Variants in MYT1L observed in about 807,000 individuals in gnomAD.
MYT1L encodes the protein myelin transcription factor 1 like.
Under a neutral mutation model 126.7 loss-of-function variants are expected in MYT1L, and 12 were observed. The observed-to-expected ratio is 0.09, with a 90% CI of 0.06 to 0.15. MYT1L has a LOEUF of 0.15. Among genes scored for constraint, MYT1L ranks in the 10% least tolerant of loss-of-function variants. The pLI is 1.00. For missense variants in MYT1L, 979 were observed against 1,585.2 expected, an observed-to-expected ratio of 0.62 and a Z score of 6.49; for synonymous variants, 541 against 604.2, an observed-to-expected ratio of 0.90 and a Z score of 1.53.
chr2:2,012,016 G>A (rs929209884), intron 4 of MYT1L, among the ~76,000 whole-genome samples: 6 of 152,214 alleles, frequency 3.9e-5, no homozygotes, highest in Non-Finnish European at 7.3e-5. Flanking sequence ...TTAGAAAACA[G>A]TGAGGCAGCT....
At chr2:2,272,682 T>A (rs2095286412) in intron 2 of MYT1L, among the ~76,000 whole-genome samples, 1 of 152,198 alleles carries the variant, frequency 6.6e-6, no homozygotes, top group Non-Finnish European at 1.5e-5. Context: ...CTCCATTAGA[T>A]GAAAAGCAGG....
At chr2:1,876,274 T>A (rs1436589578) in intron 18 of MYT1L, among the ~76,000 whole-genome samples, 1 of 152,178 alleles carries the variant, frequency 6.6e-6, no homozygotes, top group East Asian at 1.9e-4. Context: ...GGCGTGGGCC[T>A]GAGCCCCAGA....
rs1432473469 is a variant in MYT1L at position 1,791,444 on chromosome 2, A to G, written c.*423T>C. On this transcript the variant is annotated 3_prime_UTR_variant, in exon 25 of 25. Transcript: ENST00000647738. This position sits in a 1 kb window ranked among gnomAD's most constrained non-coding sequence, Gnocchi z 6.0. Reference sequence around the variant, plus strand: ...TAAAAAGCGGCTGCTCAGCCACAACATGATCATTCAAAGCTGTGGGTCTGT... The same window carrying G: ...TAAAAAGCGGCTGCTCAGCCACAACGTGATCATTCAAAGCTGTGGGTCTGT... 1 of 366,366 alleles carries G rather than the reference A, an allele frequency of 2.7e-6. No individual in the cohort carries two copies. The highest frequency in any genetic ancestry group is 2.1e-5 in the African/African-American group (1 of 47,010). 22.7% of individuals were successfully genotyped at this position (366,366 alleles called of 1,614,324 possible).
At chr2:1,907,384 C>T (rs993714744) in intron 13 of MYT1L, among the ~76,000 whole-genome samples, 1 of 152,054 alleles carries the variant, frequency 6.6e-6, no homozygotes, top group Admixed American at 6.6e-5. Flanking sequence ...GGTGAGGAGG[C>T]AAAAAAGCCA....
chr2:2,008,233 T>C (rs1004303174), intron 4 of MYT1L, among the ~76,000 whole-genome samples: 3 of 152,208 alleles, frequency 2.0e-5, no homozygotes, highest in African/African-American at 7.2e-5. Flanking sequence ...TTCCTCAAAC[T>C]GTCCTTGAAA....
At chr2:2,295,470 A>G (rs1027151902) in intron 1 of MYT1L, among the ~76,000 whole-genome samples, 1 of 151,930 alleles carries the variant, frequency 6.6e-6, no homozygotes, top group African/African-American at 2.4e-5. Flanking sequence ...ATTATGGGAG[A>G]TGGAAAACCA....
chr2:1,927,168 C>T (rs2054344406), intron 9 of MYT1L, among the ~76,000 whole-genome samples: 1 of 152,030 alleles, frequency 6.6e-6, no homozygotes, highest in African/African-American at 2.4e-5. Context: ...GAAGAGCTGG[C>T]CCAACTACTC....
intron 9 of MYT1L, among the ~76,000 whole-genome samples, chr2:1,939,499 C>T (rs2056396513): frequency 6.6e-6 from 1 of 152,224 alleles, no homozygotes; most frequent in African/African-American, 2.4e-5. Context: ...CTGCACATCT[C>T]ACATTAAAGA....
chr2:2,257,842 C>A (rs1204969916), intron 2 of MYT1L, among the ~76,000 whole-genome samples: 2 of 149,254 alleles, frequency 1.3e-5, no homozygotes, highest in Non-Finnish European at 2.9e-5. Context: ...GATTCAATGC[C>A]ATCCCCATCA....
In MYT1L at chr2:1,801,635, A is replaced by G. The variant is rs2147911946; in HGVS notation, c.3276+61T>C. The G allele has an allele frequency of 1.0e-6, 1 of 998,812 alleles. No individual in the cohort carries two copies. 61.9% of individuals were successfully genotyped at this position (998,812 alleles called of 1,614,324 possible). On this transcript the variant is annotated intron_variant, in intron 23 of 24. Transcript: ENST00000647738. This position sits in a 1 kb window ranked among gnomAD's most constrained non-coding sequence, Gnocchi z 4.2. ...CTCTCCTAAAAGCTGATTTCATGCC[A>G]TGTATCTCTGGTATAATGGCGCGTG...
intron 1 of MYT1L, among the ~76,000 whole-genome samples, chr2:2,314,908 C>G (rs2096039096): frequency 6.6e-6 from 1 of 152,178 alleles, no homozygotes; most frequent in Admixed American, 6.5e-5. Flanking sequence ...ACAAACCTGA[C>G]AAAAACAAGC....
At chr2:1,867,476 A>T (rs548594237) in intron 18 of MYT1L, among the ~76,000 whole-genome samples, 4 of 152,250 alleles carry the variant, frequency 2.6e-5, no homozygotes, top group Non-Finnish European at 5.9e-5. Flanking sequence ...ACCAACTTGA[A>T]TCCAAAGTCC....
At chr2:2,231,125 T>G (rs1311099534) in intron 2 of MYT1L, among the ~76,000 whole-genome samples, 1 of 152,218 alleles carries the variant, frequency 6.6e-6, no homozygotes, top group African/African-American at 2.4e-5. Flanking sequence ...AAACACAGCT[T>G]TCATTTCCTG....
At chr2:2,274,134 AAAG>A (rs1483128181) in intron 2 of MYT1L, among the ~76,000 whole-genome samples, 1 of 152,194 alleles carries the variant, frequency 6.6e-6, no homozygotes, top group African/African-American at 2.4e-5. Flanking sequence ...AATAGCTAGA[AAAG>A]AAGAATTGTA....
At chr2:2,307,181 C>G (rs560811447) in intron 1 of MYT1L, among the ~76,000 whole-genome samples, 1 of 151,894 alleles carries the variant, frequency 6.6e-6, no homozygotes, top group Non-Finnish European at 1.5e-5. Flanking sequence ...TGAGAATGGG[C>G]GGGGAATTAC....
chr2:1,848,710 T>G lies in MYT1L; in HGVS notation c.2774+2931A>C, dbSNP rs1382046187. Among the ~76,000 whole-genome samples the G allele has an allele frequency of 2.0e-5, 3 of 152,186 alleles. No individual in the cohort carries two copies. Among genetic ancestry groups the G allele is most frequent in the Non-Finnish European group, 4.4e-5 (3 of 68,028 alleles). On this transcript the variant is annotated intron_variant, in intron 19 of 24. Coordinates refer to ENST00000647738, the MANE Select transcript of MYT1L (RefSeq NM_001303052.2). This position sits in a 1 kb window ranked among gnomAD's most constrained non-coding sequence, Gnocchi z 4.8. Reference sequence around the variant, plus strand: ...CCTTGTTTGCTTGTTGGCTTCTGTCTGTCTGCAGCAGCTCATTTACACAGA... The same window carrying G: ...CCTTGTTTGCTTGTTGGCTTCTGTCGGTCTGCAGCAGCTCATTTACACAGA...
intron 2 of MYT1L, among the ~76,000 whole-genome samples, chr2:2,253,413 AT>A (rs1331424479): frequency 6.6e-6 from 1 of 152,248 alleles, no homozygotes; most frequent in African/African-American, 2.4e-5. Flanking sequence ...CACACAGAGC[AT>A]TGCTCAGCGG....
At chr2:2,026,539 A>G (rs1460436680) in intron 4 of MYT1L, among the ~76,000 whole-genome samples, 1 of 152,170 alleles carries the variant, frequency 6.6e-6, no homozygotes, top group Non-Finnish European at 1.5e-5. Context: ...ATTGCTCACC[A>G]CCCACTACAA....
chr2:2,182,669 A>G (rs543777912), intron 2 of MYT1L, among the ~76,000 whole-genome samples: 1 of 152,322 alleles, frequency 6.6e-6, no homozygotes, highest in South Asian at 2.1e-4. Context: ...AGCTAACCAG[A>G]AAGGCATGCT....
Sources: gnomAD v4.1 joint callset for allele counts (sites outside exome capture counted in the v4.1 genomes callset) on GRCh38, gnomAD v4.1.1 for gene constraint, Gnocchi (gnomAD v3.1) non-coding constraint, MANE v1.5 for transcripts, NCBI Gene and HGNC (gene_info 2026-07-23, HGNC 2026-07-21) for gene names.